The following MED27 variants were observed in gnomAD, a reference collection of about 807,000 sequenced individuals.
The protein encoded by MED27 is mediator complex subunit 27, also known as mediator of RNA polymerase II transcription subunit 27.
In MED27, 30 loss-of-function variants were observed where a neutral mutation model predicts 38.2. The ratio of observed to expected loss-of-function variants is 0.79; its 90% confidence interval spans 0.59 to 1.07. The LOEUF (loss-of-function observed/expected upper bound fraction) is 1.07. Among genes scored for constraint, MED27 ranks in the 50% least tolerant of loss-of-function variants. The pLI is 0.00. For synonymous variants in MED27, 122 were observed against 153.5 expected, an observed-to-expected ratio of 0.79 and a Z score of 1.52; for missense variants, 289 against 397.5, an observed-to-expected ratio of 0.73 and a Z score of 2.32.
chr9:132,027,152 T>C (rs1362696277), intron 2 of MED27, among the ~76,000 whole-genome samples: 1 of 151,968 alleles, frequency 6.6e-6, no homozygotes, highest in African/African-American at 2.4e-5. Flanking sequence ...ATCAACGGAG[T>C]GAGGATGGTG....
At chr9:132,053,895 T>C (rs1833517352) in intron 2 of MED27, among the ~76,000 whole-genome samples, 2 of 151,800 alleles carry the variant, frequency 1.3e-5, no homozygotes, top group African/African-American at 4.8e-5. Context: ...TAACATGTAT[T>C]GGGAAAAAAT....
intron 2 of MED27, among the ~76,000 whole-genome samples, chr9:132,023,559 C>T (rs2131090823): frequency 6.6e-6 from 1 of 152,152 alleles, no homozygotes; most frequent in East Asian, 1.9e-4. Flanking sequence ...TCATTATGGT[C>T]AGATGCAGCC....
chr9:131,912,480 C>T (rs952464024), intron 4 of MED27, among the ~76,000 whole-genome samples: 3 of 152,168 alleles, frequency 2.0e-5, no homozygotes, highest in Non-Finnish European at 2.9e-5. Flanking sequence ...CACCTGACTT[C>T]ACTCACTCCC....
intron 3 of MED27, among the ~76,000 whole-genome samples, chr9:131,998,730 C>T (rs4320661): frequency 6.6e-6 from 1 of 152,110 alleles, no homozygotes; most frequent in Non-Finnish European, 1.5e-5. Context: ...GAGGTCTGTA[C>T]AAACCAATCC....
At chr9:132,064,319 G>A (rs1410475807) in intron 2 of MED27, among the ~76,000 whole-genome samples, 2 of 152,084 alleles carry the variant, frequency 1.3e-5, no homozygotes, top group Non-Finnish European at 2.9e-5. Flanking sequence ...GGGCAAAATC[G>A]GCCTTCGGGG....
intron 4 of MED27, among the ~76,000 whole-genome samples, chr9:131,922,543 C>T (rs1173732786): frequency 2.0e-5 from 3 of 151,682 alleles, no homozygotes; most frequent in Admixed American, 1.3e-4. Flanking sequence ...CAGGTTCAAG[C>T]AATTCTCCTG....
intron 3 of MED27, among the ~76,000 whole-genome samples, chr9:131,995,357 A>C (rs1832067007): frequency 6.6e-6 from 1 of 152,058 alleles, no homozygotes; most frequent in Non-Finnish European, 1.5e-5. Context: ...AACGGACCCA[A>C]CAGCATGGAC....
chr9:132,005,885 T>C (rs1179708314), intron 3 of MED27, among the ~76,000 whole-genome samples: 1 of 152,186 alleles, frequency 6.6e-6, no homozygotes, highest in African/African-American at 2.4e-5. Context: ...TGGAAACTGA[T>C]CTCCTCCTTA....
In MED27 at chr9:131,950,575, C is replaced by T. The variant is rs113866326; in HGVS notation, c.480-11101G>A. ...ACATGGTAGATTTCACAAAAAGAAA[C>T]GCCAAAGAGAATGATCACAATCACT... On this transcript the variant is annotated intron_variant, in intron 3 of 7. Transcript: ENST00000292035. Among the ~76,000 whole-genome samples the T allele has an allele frequency of 9.5e-3, 1,439 of 152,200 alleles. 10 individuals are homozygous for T. Among genetic ancestry groups the T allele is most frequent in the Non-Finnish European group, 0.014 (955 of 68,018 alleles).
rs774404816 is a variant in MED27 at position 131,939,483 on chromosome 9, G to A, written c.480-9C>T. On this transcript the variant is annotated splice_polypyrimidine_tract_variant and intron_variant, in intron 3 of 7. Coordinates refer to ENST00000292035, the MANE Select transcript of MED27 (RefSeq NM_004269.4). The stretch of plus-strand genomic sequence containing the variant: ...TCACATCATCAACATATCTACATGG[G>A]AAAAAAATAAACATGTGTGAACTAC... 4.4e-6 allele frequency: 7 copies of A among 1,579,626 alleles called. No homozygotes were observed. Among genetic ancestry groups the A allele is most frequent in the Non-Finnish European group, 6.0e-6 (7 of 1,160,652 alleles).
At chr9:131,900,518 A>G (rs1261981076) in intron 4 of MED27, among the ~76,000 whole-genome samples, 1 of 152,218 alleles carries the variant, frequency 6.6e-6, no homozygotes, top group Non-Finnish European at 1.5e-5. Context: ...GGAGCTGGTC[A>G]CTTAAAATGA....
At position 131,882,692 on chromosome 9, in the gene MED27, C is replaced by T. The variant is rs191290148; in HGVS notation, c.723+1366G>A. ...CTACCTCCACTTCATCCCCACTTCA[C>T]GGGGCTGGCTCCTCCTCCTCACACT... is the stretch of plus-strand genomic sequence containing the variant. On this transcript the variant is annotated intron_variant, in intron 6 of 7. Coordinates refer to ENST00000292035, the MANE Select transcript of MED27 (RefSeq NM_004269.4). Among the ~76,000 whole-genome samples the T allele has an allele frequency of 9.8e-3, 1,490 of 152,316 alleles. 12 individuals are homozygous for T. Among genetic ancestry groups the T allele is most frequent in the Non-Finnish European group, 0.014 (979 of 68,026 alleles).
chr9:131,929,212 A>C (rs945888468), intron 4 of MED27, among the ~76,000 whole-genome samples: 4 of 152,162 alleles, frequency 2.6e-5, no homozygotes, highest in Non-Finnish European at 5.9e-5. Flanking sequence ...AATAACCAAC[A>C]GTGACACCCA....
chr9:132,035,373 T>A (rs1004713472), intron 2 of MED27, among the ~76,000 whole-genome samples: 11 of 152,204 alleles, frequency 7.2e-5, no homozygotes, highest in Admixed American at 3.3e-4. Flanking sequence ...CAGACAGACA[T>A]CCATGCTTGT....
At chr9:131,865,804 C>T (rs1186059631) in intron 6 of MED27, among the ~76,000 whole-genome samples, 1 of 152,222 alleles carries the variant, frequency 6.6e-6, no homozygotes, top group African/African-American at 2.4e-5. Context: ...ACACAAATGA[C>T]CAACACTTAA....
rs185262594 is a variant in MED27, at chr9:131,956,572, C to T, written c.480-17098G>A. ...CAGCAGTTGCAGTGAGCCGAGATCACGCCACTGCACTCCAGCTGGGTGACA... is the reference window on the plus strand; with the variant it reads ...CAGCAGTTGCAGTGAGCCGAGATCATGCCACTGCACTCCAGCTGGGTGACA... On this transcript the variant is annotated intron_variant, in intron 3 of 7. Transcript: ENST00000292035. Among the ~76,000 whole-genome samples, 266 of 150,198 alleles carry T rather than the reference C, an allele frequency of 1.8e-3. 5 individuals are homozygous for T. Among genetic ancestry groups the T allele is most frequent in the Admixed American group, 0.013 (200 of 15,074 alleles).
At chr9:132,001,198 G>A (rs1167957063) in intron 3 of MED27, among the ~76,000 whole-genome samples, 1 of 152,154 alleles carries the variant, frequency 6.6e-6, no homozygotes, top group Non-Finnish European at 1.5e-5. Context: ...ATCACTGGTT[G>A]CTTGGGGTGA....
At chr9:131,971,926 T>G (rs1831487082) in intron 3 of MED27, among the ~76,000 whole-genome samples, 1 of 152,218 alleles carries the variant, frequency 6.6e-6, no homozygotes, top group Non-Finnish European at 1.5e-5. Context: ...GTGTGGTCAC[T>G]GAGGTCACTC....
At chr9:131,935,785 T>C (rs988858629) in intron 4 of MED27, among the ~76,000 whole-genome samples, 1 of 152,190 alleles carries the variant, frequency 6.6e-6, no homozygotes, top group African/African-American at 2.4e-5. Context: ...TGGGTTTATC[T>C]AAGCTTTATA....
Sources: allele counts gnomAD v4.1 joint callset (sites outside exome capture counted in the v4.1 genomes callset), GRCh38; gene constraint gnomAD v4.1.1; transcripts MANE v1.5; gene names NCBI Gene and HGNC (gene_info 2026-07-23, HGNC 2026-07-21).